The following NRG3 variants were observed in gnomAD, a reference collection of about 807,000 sequenced individuals.
NRG3 encodes pro-neuregulin-3, membrane-bound isoform.
A neutral mutation model predicts 66.9 loss-of-function variants in NRG3; 31 were observed. The observed-to-expected ratio is 0.46, with a 90% CI of 0.35 to 0.63. The LOEUF (loss-of-function observed/expected upper bound fraction) is 0.63, where lower values mean the gene tolerates loss of function less well. NRG3 is among the 20% of genes least tolerant of loss of function. The pLI, the probability that NRG3 is intolerant of heterozygous loss-of-function variation, is 0.00. For missense variants in NRG3, 910 were observed against 878.9 expected (o/e 1.04, Z -0.45); for synonymous variants, 393 against 359.4 (o/e 1.09, Z -1.06).
intron 4 of NRG3, among the ~76,000 whole-genome samples, chr10:82,882,338 C>A (rs1323792411): frequency 6.6e-6 from 1 of 152,162 alleles, no homozygotes; most frequent in Admixed American, 6.5e-5. Flanking sequence ...TTGTCTAAAT[C>A]AAATCCAGGT....
intron 2 of NRG3, among the ~76,000 whole-genome samples, chr10:82,580,525 A>C (rs1471743033): frequency 6.6e-6 from 1 of 151,978 alleles, no homozygotes; most frequent in Non-Finnish European, 1.5e-5. Context: ...CATTTCCTTG[A>C]AAATCTTCTG....
At chr10:82,465,389 C>A (rs1319501883) in intron 2 of NRG3, among the ~76,000 whole-genome samples, 1 of 152,128 alleles carries the variant, frequency 6.6e-6, no homozygotes, top group East Asian at 1.9e-4. Context: ...GACTTGCTTC[C>A]CCAAGAGCTA....
intron 2 of NRG3, among the ~76,000 whole-genome samples, chr10:82,424,459 C>G (rs1590078845): frequency 6.6e-6 from 1 of 151,914 alleles, no homozygotes; most frequent in East Asian, 1.9e-4. Flanking sequence ...TAATATTTTT[C>G]AAATTATTTT....
At chr10:82,278,180 A>T (rs549226536) in intron 1 of NRG3, among the ~76,000 whole-genome samples, 31 of 152,224 alleles carry the variant, frequency 2.0e-4, no homozygotes, top group Admixed American at 1.9e-3. Flanking sequence ...ACCTCCAAGA[A>T]AATGAACAGT....
At chr10:81,991,832 T>G (rs981813350) in intron 1 of NRG3, among the ~76,000 whole-genome samples, 5 of 152,144 alleles carry the variant, frequency 3.3e-5, no homozygotes, top group African/African-American at 9.6e-5. Flanking sequence ...CCATGAATAT[T>G]TTAAAGAGGT....
chr10:82,576,316 T>TC (rs1035482680), intron 2 of NRG3, among the ~76,000 whole-genome samples: 26 of 151,700 alleles, frequency 1.7e-4, no homozygotes, highest in African/African-American at 6.3e-4. Flanking sequence ...TACATACTTT[T>TC]CCCCCATGTA....
chr10:82,781,783 T>C (rs2060126844), intron 3 of NRG3, among the ~76,000 whole-genome samples: 1 of 152,044 alleles, frequency 6.6e-6, no homozygotes, highest in South Asian at 2.1e-4. Flanking sequence ...TCCTGTTTCC[T>C]GAAGAGTGTG....
chr10:82,201,854 G>A lies in NRG3; in HGVS notation c.824-156885G>A, dbSNP rs548345487. On this transcript the variant is annotated intron_variant, in intron 1 of 8. Transcript: ENST00000372141. ...ACATAAATTTGACATTCATTTCATCGTTCATTTTGTGTCTAGTATGTAAGA... is the reference window on the plus strand; with the variant it reads ...ACATAAATTTGACATTCATTTCATCATTCATTTTGTGTCTAGTATGTAAGA... Among the ~76,000 whole-genome samples, 8 of 152,042 alleles carry A rather than the reference G, an allele frequency of 5.3e-5. No homozygotes were observed. In the South Asian group the frequency reaches 1.0e-3, roughly 20 times the overall value.
At chr10:82,831,721 G>A (rs2062533764) in intron 3 of NRG3, among the ~76,000 whole-genome samples, 1 of 152,198 alleles carries the variant, frequency 6.6e-6, no homozygotes, top group Admixed American at 6.5e-5. Flanking sequence ...GGCTGAGGCA[G>A]GAGGATTGCT....
intron 1 of NRG3, among the ~76,000 whole-genome samples, chr10:82,024,717 G>A (rs1221068175): frequency 6.6e-6 from 1 of 152,004 alleles, no homozygotes; most frequent in Non-Finnish European, 1.5e-5. Flanking sequence ...GGAATGGAGT[G>A]CACTCACTGA....
At chr10:82,213,761 A>G (rs998214057) in intron 1 of NRG3, among the ~76,000 whole-genome samples, 1 of 152,226 alleles carries the variant, frequency 6.6e-6, no homozygotes, top group Non-Finnish European at 1.5e-5. Context: ...ATAATACATT[A>G]CCTTACTATG....
At chr10:82,736,324 C>A (rs879941830) in intron 2 of NRG3, among the ~76,000 whole-genome samples, 1 of 152,196 alleles carries the variant, frequency 6.6e-6, no homozygotes, top group Non-Finnish European at 1.5e-5. Context: ...CTGGCATTAC[C>A]TGCTAGCAAC....
chr10:82,658,705 T>A (rs373814234), intron 2 of NRG3, among the ~76,000 whole-genome samples: 38 of 152,240 alleles, frequency 2.5e-4, no homozygotes, highest in African/African-American at 9.1e-4. Flanking sequence ...ATAGGAATAG[T>A]TAGAAACTTT....
intron 2 of NRG3, among the ~76,000 whole-genome samples, chr10:82,472,151 C>A (rs112570781): frequency 3.3e-5 from 5 of 151,988 alleles, no homozygotes; most frequent in African/African-American, 1.2e-4. Flanking sequence ...TTCTTAATAT[C>A]TTTTACCACC....
chr10:82,786,438 CCTCT>C (rs375513778), intron 3 of NRG3, among the ~76,000 whole-genome samples: 2 of 151,452 alleles, frequency 1.3e-5, no homozygotes, highest in Non-Finnish European at 2.9e-5. Context: ...TCTTTTTGTG[CCTCT>C]CTCTCTCTCT....
intron 1 of NRG3, among the ~76,000 whole-genome samples, chr10:82,104,732 AAT>A (rs907003354): frequency 2.0e-5 from 3 of 152,220 alleles, no homozygotes; most frequent in African/African-American, 7.2e-5. Flanking sequence ...CAATTTAAAA[AAT>A]ATGTGTATCA....
intron 2 of NRG3, among the ~76,000 whole-genome samples, chr10:82,388,092 A>C (rs2086122483): frequency 6.6e-6 from 1 of 152,186 alleles, no homozygotes; most frequent in Non-Finnish European, 1.5e-5. Context: ...CATATATCCT[A>C]GTATCATAAA....
chr10:82,933,436 A>T (rs1847773532), intron 4 of NRG3, among the ~76,000 whole-genome samples: 1 of 152,138 alleles, frequency 6.6e-6, no homozygotes, highest in African/African-American at 2.4e-5. Context: ...AGTCTCAGGT[A>T]TGGGCAAATT....
chr10:82,864,634 A>G (rs1475839741), intron 3 of NRG3, among the ~76,000 whole-genome samples: 2 of 152,248 alleles, frequency 1.3e-5, no homozygotes, highest in African/African-American at 4.8e-5. Flanking sequence ...TCTGAGGTTG[A>G]ATACTTGGGT....
Sources: gnomAD v4.1 joint callset for allele counts (sites outside exome capture counted in the v4.1 genomes callset) on GRCh38, gnomAD v4.1.1 for gene constraint, MANE v1.5 for transcripts, NCBI Gene and HGNC (gene_info 2026-07-23, HGNC 2026-07-21) for gene names.